The following EDA variants were observed in gnomAD, a reference collection of about 807,000 sequenced individuals.
EDA encodes ectodysplasin-A.
Under a neutral mutation model 23.6 loss-of-function variants are expected in EDA, and 2 were observed. The ratio of observed to expected loss-of-function variants is 0.08; its 90% confidence interval spans 0.03 to 0.27. EDA has a LOEUF of 0.27. EDA is among the 10% of genes least tolerant of loss of function. The probability of loss-of-function intolerance (pLI) is 1.00; values close to 1 mark genes in which losing one functional copy is unlikely to be tolerated. For synonymous variants in EDA, 131 were observed against 132.0 expected, an observed-to-expected ratio of 0.99 and a Z score of 0.05; for missense variants, 229 against 324.2, an observed-to-expected ratio of 0.71 and a Z score of 2.26.
At chrX:69,721,292 G>A (rs1400327012) in intron 1 of EDA, among the ~76,000 whole-genome samples, 3 of 111,922 alleles carry the variant, frequency 2.7e-5, no homozygotes, top group Non-Finnish European at 5.6e-5. Flanking sequence ...GAGAGTCTTG[G>A]GTTTGTGAGA....
At chrX:69,658,875 A>G in intron 1 of EDA, among the ~76,000 whole-genome samples, 1 of 111,606 alleles carries the variant, frequency 9.0e-6, no homozygotes, top group East Asian at 2.8e-4. Context: ...GAGGATCCTT[A>G]CACCTACCAT....
chrX:69,839,891 ACT>A (rs1290986387), intron 1 of EDA, among the ~76,000 whole-genome samples: 1 of 112,109 alleles, frequency 8.9e-6, no homozygotes, highest in East Asian at 2.8e-4. Flanking sequence ...TGTTTCCCAA[ACT>A]CTGCTGCAGT....
intron 1 of EDA, among the ~76,000 whole-genome samples, chrX:69,791,987 G>C (rs1357182681): frequency 9.0e-6 from 1 of 111,658 alleles, no homozygotes; most frequent in Non-Finnish European, 1.9e-5. Context: ...ACAGTTTTGG[G>C]GGGTACAGCT....
intron 1 of EDA, among the ~76,000 whole-genome samples, chrX:69,773,044 G>A (rs904650244): frequency 6.3e-5 from 7 of 111,405 alleles, no homozygotes; most frequent in Admixed American, 3.8e-4. Context: ...CACTTCTTCC[G>A]TTACACATTA....
rs181992756 is a variant in EDA at position 70,019,908 on chromosome X, A to G, written c.503-3310A>G. Among the ~76,000 whole-genome samples, 43 of 112,089 alleles carry G rather than the reference A, an allele frequency of 3.8e-4. No homozygotes were observed. The East Asian group carries it at 0.011, about 30-fold the overall frequency. Reference sequence around the variant, plus strand: ...CCAGAAACTAAAATAAAAGTTTAAGAAATGACTTTGAGCCCTGTTTCTGTT... The same window carrying G: ...CCAGAAACTAAAATAAAAGTTTAAGGAATGACTTTGAGCCCTGTTTCTGTT... On this transcript the variant is annotated intron_variant, in intron 2 of 7. Coordinates refer to ENST00000374552, the MANE Select transcript of EDA (RefSeq NM_001399.5).
chrX:69,737,853 C>A (rs2013321218), intron 1 of EDA, among the ~76,000 whole-genome samples: 1 of 2,384 alleles, frequency 4.2e-4, no homozygotes, highest in Non-Finnish European at 7.3e-4. Flanking sequence ...TCTAGGCTGA[C>A]AGATTTTTTT....
chrX:69,703,267 C>T (rs1364771450), intron 1 of EDA, among the ~76,000 whole-genome samples: 1 of 111,324 alleles, frequency 9.0e-6, no homozygotes, highest in Non-Finnish European at 1.9e-5. Context: ...TCCCTGTTAA[C>T]CAGGCTCCCA....
intron 1 of EDA, among the ~76,000 whole-genome samples, chrX:69,752,390 C>T (rs770504630): frequency 1.8e-5 from 2 of 111,643 alleles, no homozygotes; most frequent in South Asian, 7.5e-4. Flanking sequence ...TATTGATTTG[C>T]GTACGTTGAA....
At chrX:69,747,242 A>G (rs2013652254) in intron 1 of EDA, among the ~76,000 whole-genome samples, 1 of 112,308 alleles carries the variant, frequency 8.9e-6, no homozygotes, top group Non-Finnish European at 1.9e-5. Flanking sequence ...CTTTGAGGAG[A>G]TAACATTTAA....
At chrX:69,771,766 G>T (rs909436641) in intron 1 of EDA, among the ~76,000 whole-genome samples, 42 of 111,733 alleles carry the variant, frequency 3.8e-4, no homozygotes, top group African/African-American at 1.3e-3. Flanking sequence ...ATTGATATAT[G>T]CATGAATCAC....
chrX:69,911,052 A>G (rs180739261), intron 1 of EDA, among the ~76,000 whole-genome samples: 2 of 112,158 alleles, frequency 1.8e-5, no homozygotes, highest in East Asian at 2.8e-4. Flanking sequence ...ACTATAAAAG[A>G]TTGTGTTATA....
Position 69,987,606 on chromosome X carries a change from T to C in EDA, c.502+30474T>C, listed in dbSNP as rs1036741990. 4.8e-5 allele frequency among the ~76,000 whole-genome samples: 4 copies of C among 83,951 alleles called. No homozygotes were observed. The East Asian group carries it at 1.2e-3, about 24-fold the overall frequency. The allele number at this position is 83,951 out of a possible 115,157, so 72.9% of individuals were successfully genotyped here. A position where few individuals can be genotyped will look rare whatever the true frequency, so the allele number is the denominator to read the frequency against. Reference sequence around the variant, plus strand: ...ACAAAAAAACACTCTAAGAAAAGCCTGTTTCCTGTATCCAAAAAAAAAGAG... The same window carrying C: ...ACAAAAAAACACTCTAAGAAAAGCCCGTTTCCTGTATCCAAAAAAAAAGAG... On this transcript the variant is annotated intron_variant, in intron 2 of 7. Transcript: ENST00000374552.
At chrX:69,621,434 A>G (rs1490061959) in intron 1 of EDA, among the ~76,000 whole-genome samples, 1 of 112,023 alleles carries the variant, frequency 8.9e-6, no homozygotes, top group Non-Finnish European at 1.9e-5. Context: ...AAGTGAATAT[A>G]CTCACGTCAC....
At chrX:69,886,263 A>C (rs1352723087) in intron 1 of EDA, among the ~76,000 whole-genome samples, 1 of 112,009 alleles carries the variant, frequency 8.9e-6, no homozygotes, top group Non-Finnish European at 1.9e-5. Context: ...GCCCATGAAG[A>C]GACCTGCAGG....
At chrX:69,876,107 A>G (rs902346593) in intron 1 of EDA, among the ~76,000 whole-genome samples, 2 of 112,023 alleles carry the variant, frequency 1.8e-5, no homozygotes, top group Non-Finnish European at 3.8e-5. Context: ...AAGTAGATCT[A>G]CCATTTGATC....
intron 1 of EDA, among the ~76,000 whole-genome samples, chrX:69,790,408 C>T (rs6418420): frequency 0.41 from 44,891 of 108,714 alleles, 8,474 homozygotes; most frequent in East Asian, 0.98. Context: ...TACTTTTACC[C>T]GTTAAATTGC....
intron 1 of EDA, among the ~76,000 whole-genome samples, chrX:69,656,055 T>C (rs1439065326): frequency 9.2e-6 from 1 of 108,992 alleles, no homozygotes; most frequent in East Asian, 2.9e-4. Context: ...AGCTCACCAT[T>C]TGTCAGATAT....
intron 1 of EDA, among the ~76,000 whole-genome samples, chrX:69,676,233 G>C (rs1303089357): frequency 1.8e-5 from 2 of 111,410 alleles, no homozygotes; most frequent in Non-Finnish European, 3.8e-5. Context: ...CTATTTTATT[G>C]GTAGGAAAAC....
chrX:69,768,403 A>AT (rs1322366435), intron 1 of EDA, among the ~76,000 whole-genome samples: 1 of 111,229 alleles, frequency 9.0e-6, no homozygotes, highest in Admixed American at 9.5e-5. Flanking sequence ...GTCTTTATTT[A>AT]TTTTTTTGCA....
Sources: allele counts gnomAD v4.1 joint callset (sites outside exome capture counted in the v4.1 genomes callset), GRCh38; gene constraint gnomAD v4.1.1; transcripts MANE v1.5; gene names NCBI Gene and HGNC (gene_info 2026-07-23, HGNC 2026-07-21).